Variants in POLE observed in about 807,000 individuals in gnomAD.
The protein encoded by POLE is DNA polymerase epsilon, catalytic subunit.
A neutral mutation model predicts 279.2 loss-of-function variants in POLE; 188 were observed. The observed-to-expected ratio is 0.67, with a 90% CI of 0.60 to 0.76. The LOEUF is 0.76. Ranked by LOEUF, POLE falls within the 30% of genes least tolerant of loss-of-function variation. The pLI, the probability that POLE is intolerant of heterozygous loss-of-function variation, is 0.00. For missense variants in POLE, 2,703 were observed against 3,016.7 expected, an observed-to-expected ratio of 0.90 and a Z score of 2.44; for synonymous variants, 1,214 against 1,172.5, an observed-to-expected ratio of 1.04 and a Z score of -0.72.
chr12:132,641,377 A>T, intron 39 of POLE: 1 of 522,648 alleles, frequency 1.9e-6, no homozygotes. Flanking sequence ...CACATCGAAA[A>T]GTGGCCCTGG....
At chr12:132,643,604 G>A (rs2138554782) in intron 33 of POLE, 44 bp from the exon 34 acceptor site, 1 of 1,611,172 alleles carries the variant, frequency 6.2e-7, no homozygotes, top group African/African-American at 1.3e-5. Context: ...TGGATGGTGG[G>A]GGCTCTGGCT....
At chr12:132,653,285 G>A (rs1049966096) in intron 29 of POLE, among the ~76,000 whole-genome samples, 1 of 152,176 alleles carries the variant, frequency 6.6e-6, no homozygotes, top group African/African-American at 2.4e-5. Context: ...TGAGGTGGGA[G>A]GATAACGTGA....
intron 1 of POLE, 108 bp from the exon 2 acceptor site, chr12:132,681,387 A>G (rs1403796378): frequency 2.6e-6 from 3 of 1,157,502 alleles, no homozygotes; most frequent in Admixed American, 4.9e-5. Flanking sequence ...TCTGTCGCCT[A>G]GGCTGGAGTG....
intron 2 of POLE, 158 bp downstream of exon 2, chr12:132,680,980 A>G (rs1227536655): frequency 3.6e-6 from 3 of 828,782 alleles, no homozygotes; most frequent in African/African-American, 1.7e-5. Flanking sequence ...GTGGCCCTCA[A>G]TGACGTTAAA....
In POLE at chr12:132,677,567, G is replaced by C. The variant is rs754021189; in HGVS notation, c.720+11C>G. 6.2e-7 allele frequency: 1 copy of C among 1,614,088 alleles called. No individual in the cohort carries two copies. On this transcript the variant is annotated intron_variant, in intron 7 of 48. Transcript: ENST00000320574. Reference sequence around the variant, plus strand: ...TTCATGTGAGCAGCGACCCAACCCTGCCCCACTCACCACGTGGATCTTCAG... The same window carrying C: ...TTCATGTGAGCAGCGACCCAACCCTCCCCCACTCACCACGTGGATCTTCAG...
chr12:132,679,136 A>G (rs1049226933), intron 6 of POLE, among the ~76,000 whole-genome samples: 3 of 152,206 alleles, frequency 2.0e-5, no homozygotes, highest in African/African-American at 7.2e-5. Context: ...GACGATACCC[A>G]AGGTTCTCTG....
intron 39 of POLE, chr12:132,640,912 C>T (rs936903129): frequency 2.2e-6 from 1 of 449,232 alleles, no homozygotes; most frequent in Non-Finnish European, 4.5e-6. Flanking sequence ...CTCCCTGCCT[C>T]ATTTCCCAGC....
rs1593077420 is a variant in POLE, at chr12:132,675,733, A to G, written c.1106+2T>C. ...TTACTCATAGAGAAGACACAGACTC[A>G]CCAGTCAAAAAAGTCCCCGTTGTAG... On this transcript the variant is annotated splice_donor_variant, in intron 11 of 48. Coordinates refer to ENST00000320574, the MANE Select transcript of POLE (RefSeq NM_006231.4). LOFTEE classifies it high-confidence loss of function. This position sits in a 1 kb window ranked among gnomAD's most constrained non-coding sequence, Gnocchi z 4.3. The G allele has an allele frequency of 3.7e-6, 6 of 1,613,000 alleles. No individual in the cohort carries two copies. The highest frequency in any genetic ancestry group is 5.1e-6 in the Non-Finnish European group (6 of 1,178,986).
chr12:132,665,392 C>T lies in POLE; in HGVS notation c.2378G>A (p.Arg793His), dbSNP rs1422986795. 6 of 1,613,776 alleles carry T rather than the reference C, an allele frequency of 3.7e-6. No individual in the cohort carries two copies. The highest frequency in any genetic ancestry group is 4.5e-5 in the East Asian group (2 of 44,880). Residue 793 changes from arginine to histidine, a missense_variant, in exon 21 of 49, where the codon CGC becomes CAC. Arg to His is a conservative substitution (Grantham distance 29). This residue lies in a region of POLE where 1,011 missense variants were observed against 1,111.7 expected (regional missense o/e 0.91). Coordinates refer to ENST00000320574, the MANE Select transcript of POLE (RefSeq NM_006231.4). ...VEVGDAAEVKRCKNMEVLYDS... is the reference protein window; with the variant it reads ...VEVGDAAEVKHCKNMEVLYDS... The stretch of plus-strand genomic sequence containing the variant: ...ATACAGCACCTCCATGTTCTTGCAG[C>T]GCTTCACCTCAGCCGCGTCGCCCAC...
intron 45 of POLE, among the ~76,000 whole-genome samples, chr12:132,627,600 A>T (rs1482271896): frequency 6.6e-6 from 1 of 152,208 alleles, no homozygotes; most frequent in Non-Finnish European, 1.5e-5. Context: ...TACCCAGACA[A>T]AACTTAGGTT....
At chr12:132,646,669 T>C (rs1219307462) in intron 32 of POLE, among the ~76,000 whole-genome samples, 1 of 151,616 alleles carries the variant, frequency 6.6e-6, no homozygotes, top group East Asian at 1.9e-4. Context: ...CCATCTCTAC[T>C]AAAAAATACA....
At position 132,643,013 on chromosome 12, in the gene POLE, C is replaced by A. The variant is rs1268846375; in HGVS notation, c.4552-17G>T. ...GCTGCGCACCTAGACCAACGCAGGCCACGTCAGCCTCCCCCTGCGCAGGAG... is the reference window on the plus strand; with the variant it reads ...GCTGCGCACCTAGACCAACGCAGGCAACGTCAGCCTCCCCCTGCGCAGGAG... On this transcript the variant is annotated splice_polypyrimidine_tract_variant and intron_variant, in intron 35 of 48. Transcript: ENST00000320574. 1.3e-6 allele frequency: 2 copies of A among 1,576,960 alleles called. No individual in the cohort carries two copies. Among genetic ancestry groups the A allele is most frequent in the East Asian group, 2.2e-5 (1 of 44,480 alleles).
At chr12:132,666,106 C>G (rs1369063832) in intron 20 of POLE, among the ~76,000 whole-genome samples, 1 of 152,198 alleles carries the variant, frequency 6.6e-6, no homozygotes, top group African/African-American at 2.4e-5. Flanking sequence ...AAGCAGAGAC[C>G]TGAAGACGCA....
intron 23 of POLE, among the ~76,000 whole-genome samples, chr12:132,662,487 A>G (rs2042701829): frequency 6.6e-6 from 1 of 152,240 alleles, no homozygotes; most frequent in Non-Finnish European, 1.5e-5. Flanking sequence ...AAATGCATCC[A>G]TGCAGACAGA....
At position 132,657,870 on chromosome 12, in the gene POLE, C is replaced by A. The variant is rs1555225288; in HGVS notation, c.3376G>T (p.Ala1126Ser). 1 of 1,606,978 alleles carries A rather than the reference C, an allele frequency of 6.2e-7. No individual in the cohort carries two copies. The highest frequency in any genetic ancestry group is 2.2e-5 in the East Asian group (1 of 44,850). The change falls in exon 27 of 49, where the codon GCA becomes TCA. Residue 1126 changes from alanine (A) to serine (S), a missense_variant and splice_region_variant. Ala to Ser is a moderately conservative substitution (Grantham distance 99). This residue lies in a region of POLE where 1,551 missense variants were observed against 1,686.1 expected (regional missense o/e 0.92). Transcript: ENST00000320574. ...SSSLQDFDIR[A>S]ILDWDYYIER... ...TAGAGAACGCAACTGGCACTCACTG[C>A]TCGAATATCAAAGTCTTGAAGGGAA...
In POLE at chr12:132,645,498, C is replaced by A. The variant is rs1046132799; in HGVS notation, c.4150-1521G>T. Among the ~76,000 whole-genome samples the A allele has an allele frequency of 4.6e-5, 7 of 152,172 alleles. No homozygotes were observed. In the South Asian group the frequency reaches 1.5e-3, roughly 32 times the overall value. ...CACTTGCACAGGTGACCCAAAACAA[C>A]GCAGCAGAGGCTCTGGAGGCTGAGC... On this transcript the variant is annotated intron_variant, in intron 32 of 48. Transcript: ENST00000320574.
chr12:132,637,058 C>T (rs1393017971), intron 41 of POLE, among the ~76,000 whole-genome samples: 1 of 152,216 alleles, frequency 6.6e-6, no homozygotes, highest in African/African-American at 2.4e-5. Flanking sequence ...ACAATTCTAG[C>T]CCAAGCCAGC....
intron 29 of POLE, among the ~76,000 whole-genome samples, chr12:132,651,953 T>C (rs1030507814): frequency 3.3e-5 from 5 of 152,362 alleles, no homozygotes; most frequent in African/African-American, 1.2e-4. Flanking sequence ...TATGCAGCAA[T>C]AGATAGCTAA....
rs769635764 is a variant in POLE at position 132,625,671 on chromosome 12, G to A, written c.6631C>T (p.Leu2211=). The stretch of plus-strand genomic sequence containing the variant: ...AGGTCCTGCAGGGTGAAGGCCATCA[G>A]CTTCTTCTGTAGAACTTCCACCAGC... ...MTLVEVLQKK[L]MAFTLQDLVC... is the part of the protein sequence containing the mutation. Residue 2211 remains leucine, a synonymous_variant, in exon 47 of 49, where the codon CTG becomes TTG. Coordinates refer to ENST00000320574, the MANE Select transcript of POLE (RefSeq NM_006231.4). 9.3e-6 allele frequency: 15 copies of A among 1,613,636 alleles called. No individual in the cohort carries two copies. Among genetic ancestry groups the A allele is most frequent in the Non-Finnish European group, 1.3e-5 (15 of 1,180,032 alleles).
Sources: gnomAD v4.1 joint callset for allele counts (sites outside exome capture counted in the v4.1 genomes callset) on GRCh38, gnomAD v4.1.1 for gene constraint, gnomAD v4.1.1 regional missense constraint, Gnocchi (gnomAD v3.1) non-coding constraint, MANE v1.5 for transcripts, NCBI Gene and HGNC (gene_info 2026-07-23, HGNC 2026-07-21) for gene names.